The following SGCG variants were observed in gnomAD, a reference collection of about 807,000 sequenced individuals.
SGCG encodes gamma-sarcoglycan.
In SGCG, 26 loss-of-function variants were observed where a neutral mutation model predicts 29.3. The observed-to-expected ratio is 0.89, with a 90% CI of 0.65 to 1.23. The LOEUF (loss-of-function observed/expected upper bound fraction) is 1.23. Among genes scored for constraint, SGCG ranks in the 50% most tolerant of loss-of-function variants. The pLI, the probability that SGCG is intolerant of heterozygous loss-of-function variation, is 0.00. For missense variants in SGCG, 353 were observed against 356.0 expected, an observed-to-expected ratio of 0.99 and a Z score of 0.07; for synonymous variants, 145 against 129.7, an observed-to-expected ratio of 1.12 and a Z score of -0.80.
chr13:23,288,635 C>G (rs1429382846), intron 5 of SGCG, among the ~76,000 whole-genome samples: 2 of 152,194 alleles, frequency 1.3e-5, no homozygotes, highest in Non-Finnish European at 2.9e-5. Context: ...TCATCTTCCT[C>G]CCCCACAAAA....
intron 1 of SGCG, among the ~76,000 whole-genome samples, chr13:23,197,553 A>T (rs1452644175): frequency 1.3e-5 from 2 of 152,210 alleles, no homozygotes; most frequent in African/African-American, 2.4e-5. Context: ...GCTAACACTC[A>T]GGTGAATCTC....
At chr13:23,318,220 T>G (rs1882906200) in intron 6 of SGCG, among the ~76,000 whole-genome samples, 1 of 152,206 alleles carries the variant, frequency 6.6e-6, no homozygotes. Context: ...AGTTATGTCC[T>G]ACTAGTTATA....
intron 5 of SGCG, among the ~76,000 whole-genome samples, chr13:23,284,622 C>T (rs753194716): frequency 3.9e-5 from 6 of 152,190 alleles, no homozygotes; most frequent in Non-Finnish European, 7.3e-5. Context: ...TCATCAAACT[C>T]ATTCTCTGTC....
chr13:23,162,959 G>A, the SGCG span, among the ~76,000 whole-genome samples: 2 of 152,052 alleles, frequency 1.3e-5, no homozygotes, highest in African/African-American at 4.8e-5. Context: ...AACTAAAAAA[G>A]ATAAAGATAA....
chr13:23,318,204 ACTACTAGTTATGTC>A (rs1882903700), intron 6 of SGCG, among the ~76,000 whole-genome samples: 1 of 150,908 alleles, frequency 6.6e-6, no homozygotes, highest in Non-Finnish European at 1.5e-5. Context: ...TCCTACTATA[ACTACTAGTTATGTC>A]CTACTAGTTA....
At chr13:23,175,016 G>A in the SGCG span, among the ~76,000 whole-genome samples, 1 of 152,158 alleles carries the variant, frequency 6.6e-6, no homozygotes, top group Admixed American at 6.5e-5. Flanking sequence ...TAAAGAGCAC[G>A]AGGGTCAGGA....
At chr13:23,311,733 A>G (rs1014445789) in intron 6 of SGCG, among the ~76,000 whole-genome samples, 11 of 152,198 alleles carry the variant, frequency 7.2e-5, no homozygotes, top group Non-Finnish European at 1.5e-4. Context: ...CAAAAACCCA[A>G]CAGTTCCTAA....
intron 4 of SGCG, among the ~76,000 whole-genome samples, chr13:23,258,905 T>C (rs891914147): frequency 9.9e-5 from 15 of 152,188 alleles, no homozygotes; most frequent in African/African-American, 3.6e-4. Flanking sequence ...ACCAACTAGA[T>C]CTTGGTGGCT....
In SGCG at chr13:23,234,583, C is replaced by T. The variant is rs116140859; in HGVS notation, c.196-28C>T. 1,047 of 1,400,414 alleles carry T rather than the reference C, an allele frequency of 7.5e-4. 7 individuals are homozygous for T. In the African/African-American group the frequency reaches 0.011, roughly 15 times the overall value. 86.7% of individuals were successfully genotyped at this position (1,400,414 alleles called of 1,614,324 possible). On this transcript the variant is annotated intron_variant, in intron 2 of 7. Transcript: ENST00000218867. ...TGAAAAAGCAAGCAATAAAAATATACGCATTGTCTCTTTTTTTTTTTTAAC... is the reference window on the plus strand; with the variant it reads ...TGAAAAAGCAAGCAATAAAAATATATGCATTGTCTCTTTTTTTTTTTTAAC...
chr13:23,211,867 G>C (rs1566001175), intron 2 of SGCG, among the ~76,000 whole-genome samples: 1 of 152,108 alleles, frequency 6.6e-6, no homozygotes. Context: ...ATTATGGTTT[G>C]GATCTGTGTC....
rs1176558323 is a variant in SGCG, at chr13:23,323,582, C to A, written c.703-786C>A. 4.6e-5 allele frequency among the ~76,000 whole-genome samples: 7 copies of A among 152,208 alleles called. No homozygotes were observed. In the South Asian group the frequency reaches 1.2e-3, roughly 27 times the overall value. ...TGCTGGATGTGACGATTTTTATTTC[C>A]TTATCAAAAAGATTTCCAAGCCTCA... is the stretch of plus-strand genomic sequence containing the variant. On this transcript the variant is annotated intron_variant, in intron 7 of 7. Coordinates refer to ENST00000218867, the MANE Select transcript of SGCG (RefSeq NM_000231.3).
intron 4 of SGCG, chr13:23,269,136 A>C (rs1247077215): frequency 6.6e-6 from 1 of 152,200 alleles, no homozygotes; most frequent in Non-Finnish European, 1.5e-5. Context: ...TTTGGAAAAA[A>C]GGGAAATAGA....
chr13:23,213,323 A>T (rs1194587002), intron 2 of SGCG, among the ~76,000 whole-genome samples: 1 of 152,088 alleles, frequency 6.6e-6, no homozygotes, highest in African/African-American at 2.4e-5. Flanking sequence ...AAAATATAAA[A>T]ATATAAAAAT....
chr13:23,295,331 C>A, intron 5 of SGCG, 84 bp from the exon 6 acceptor site: 2 of 1,123,174 alleles, frequency 1.8e-6, no homozygotes, highest in South Asian at 1.2e-5. Context: ...TCCATATGTT[C>A]TTTAATATCT....
chr13:23,198,580 C>T (rs1197339959), intron 1 of SGCG, among the ~76,000 whole-genome samples: 1 of 152,134 alleles, frequency 6.6e-6, no homozygotes, highest in Non-Finnish European at 1.5e-5. Flanking sequence ...GGCGCGGTGG[C>T]TCATACCTAT....
At chr13:23,287,145 G>A (rs1881526220) in intron 5 of SGCG, among the ~76,000 whole-genome samples, 1 of 152,108 alleles carries the variant, frequency 6.6e-6, no homozygotes, top group South Asian at 2.1e-4. Context: ...CTGTGATTAT[G>A]TCACTTATAT....
chr13:23,190,843 C>T (rs9552869), intron 1 of SGCG, among the ~76,000 whole-genome samples: 109,291 of 151,902 alleles, frequency 0.72, 39,935 homozygotes, highest in African/African-American at 0.84. Context: ...ATATCACTGA[C>T]GATATTAGGA....
intron 6 of SGCG, among the ~76,000 whole-genome samples, chr13:23,300,576 C>T (rs1882113248): frequency 6.6e-6 from 1 of 152,022 alleles, no homozygotes; most frequent in Non-Finnish European, 1.5e-5. Context: ...TGAAAAATTA[C>T]CCACAAGAAA....
intron 2 of SGCG, among the ~76,000 whole-genome samples, chr13:23,208,758 A>T (rs1014914713): frequency 6.6e-6 from 1 of 152,168 alleles, no homozygotes; most frequent in Non-Finnish European, 1.5e-5. Context: ...ATAATAGTTA[A>T]ATCAGTCAGG....
Sources: allele counts gnomAD v4.1 joint callset (sites outside exome capture counted in the v4.1 genomes callset), GRCh38; gene constraint gnomAD v4.1.1; transcripts MANE v1.5; gene names NCBI Gene and HGNC (gene_info 2026-07-23, HGNC 2026-07-21).